The following PTPRD variants were observed in gnomAD, a reference collection of about 807,000 sequenced individuals.
The protein encoded by PTPRD is protein tyrosine phosphatase receptor type D, also known as receptor-type tyrosine-protein phosphatase delta.
A neutral mutation model predicts 214.5 loss-of-function variants in PTPRD; 34 were observed. The ratio of observed to expected loss-of-function variants is 0.16; its 90% CI spans 0.12 to 0.21. The LOEUF (loss-of-function observed/expected upper bound fraction) is 0.21. PTPRD is among the 10% of genes least tolerant of loss of function. PTPRD has a pLI of 1.00. For synonymous variants in PTPRD, 1,128 were observed against 845.7 expected, an observed-to-expected ratio of 1.33 and a Z score of -5.79; for missense variants, 2,545 against 2,398.7, an observed-to-expected ratio of 1.06 and a Z score of -1.27.
intron 12 of PTPRD, among the ~76,000 whole-genome samples, chr9:8,721,429 CAAA>C (rs35721977): frequency 3.1e-5 from 3 of 97,304 alleles, no homozygotes; most frequent in African/African-American, 3.6e-5. Context: ...GACTCCATTT[CAAA>C]AAAAAAAAAA....
intron 30 of PTPRD, among the ~76,000 whole-genome samples, chr9:8,477,195 C>A (rs2096782909): frequency 6.6e-6 from 1 of 151,968 alleles, no homozygotes. Flanking sequence ...TTCTGCTTTG[C>A]CCGTCTGCCT....
chr9:9,202,536 C>A (rs2099942488), intron 9 of PTPRD, among the ~76,000 whole-genome samples: 1 of 152,176 alleles, frequency 6.6e-6, no homozygotes, highest in Non-Finnish European at 1.5e-5. Flanking sequence ...CACATTACAT[C>A]AGATGCAAGC....
intron 3 of PTPRD, among the ~76,000 whole-genome samples, chr9:10,058,654 T>G (rs1325838212): frequency 6.6e-6 from 1 of 152,108 alleles, no homozygotes; most frequent in Non-Finnish European, 1.5e-5. Flanking sequence ...TTCTCTCTTA[T>G]GGGAATTTAA....
At chr9:8,804,768 G>A (rs1276706519) in intron 11 of PTPRD, among the ~76,000 whole-genome samples, 1 of 152,148 alleles carries the variant, frequency 6.6e-6, no homozygotes. Flanking sequence ...GTGTGCTGAA[G>A]AAATAAGAGT....
intron 3 of PTPRD, among the ~76,000 whole-genome samples, chr9:10,089,247 AATG>A (rs965499105): frequency 6.6e-6 from 1 of 151,286 alleles, no homozygotes; most frequent in Non-Finnish European, 1.5e-5. Context: ...ATAGAAATAA[AATG>A]ATGAATTTCA....
chr9:9,838,839 C>A (rs1355616204), intron 5 of PTPRD, among the ~76,000 whole-genome samples: 1 of 152,040 alleles, frequency 6.6e-6, no homozygotes, highest in Non-Finnish European at 1.5e-5. Flanking sequence ...GAAGTCCTTG[C>A]CCATGCCTAT....
At position 8,386,110 on chromosome 9, in the gene PTPRD, C is replaced by A. The variant is rs750139578; in HGVS notation, c.4386+3122G>T. On this transcript the variant is annotated intron_variant, in intron 37 of 45. Transcript: ENST00000381196. Reference sequence around the variant, plus strand: ...ACCTTGCCACATCCTTTATCTCAGTCAATACCCACAATAACCCTTCCGCAT... The same window carrying A: ...ACCTTGCCACATCCTTTATCTCAGTAAATACCCACAATAACCCTTCCGCAT... 3.3e-5 allele frequency among the ~76,000 whole-genome samples: 5 copies of A among 152,258 alleles called. No homozygotes were observed. In the East Asian group the frequency reaches 7.7e-4, roughly 23 times the overall value.
At chr9:8,982,723 C>G (rs1384470672) in intron 11 of PTPRD, among the ~76,000 whole-genome samples, 1 of 151,834 alleles carries the variant, frequency 6.6e-6, no homozygotes, top group Non-Finnish European at 1.5e-5. Flanking sequence ...TTTTCTTTTT[C>G]TAGATTATCA....
At chr9:8,705,951 C>T (rs1038370770) in intron 12 of PTPRD, among the ~76,000 whole-genome samples, 1 of 152,142 alleles carries the variant, frequency 6.6e-6, no homozygotes, top group African/African-American at 2.4e-5. Flanking sequence ...AGCATTTAGT[C>T]AGCACTGTAT....
At chr9:8,788,921 T>G (rs186851815) in intron 11 of PTPRD, among the ~76,000 whole-genome samples, 1,875 of 152,304 alleles carry the variant, frequency 0.012, 41 homozygotes, top group African/African-American at 0.042. Context: ...ACCAATTTAA[T>G]GTTTACTGGA....
chr9:9,639,984 A>T (rs778108092), intron 7 of PTPRD, among the ~76,000 whole-genome samples: 10 of 152,228 alleles, frequency 6.6e-5, no homozygotes, highest in Non-Finnish European at 1.5e-4. Flanking sequence ...GAAACACCTA[A>T]GAAGGTAAAC....
chr9:10,611,164 AACAGTT>A, intron 2 of PTPRD, among the ~76,000 whole-genome samples: 1 of 152,188 alleles, frequency 6.6e-6, no homozygotes. Flanking sequence ...GAAAGAAATT[AACAGTT>A]AAAGATAAAA....
rs569303622 is a variant in PTPRD, at chr9:9,454,492, C to G, written c.-236-57010G>C. Among the ~76,000 whole-genome samples the G allele has an allele frequency of 2.0e-5, 3 of 151,762 alleles. No homozygotes were observed. The South Asian group carries it at 6.2e-4, about 31-fold the overall frequency. ...TTGAAGAACACTTCACAATTAAACT[C>G]TAGTACAATTACACTGAATTCCCCA... On this transcript the variant is annotated intron_variant, in intron 8 of 45. Coordinates refer to ENST00000381196, the MANE Select transcript of PTPRD (RefSeq NM_002839.4).
chr9:9,842,093 T>C (rs1312153697), intron 5 of PTPRD, among the ~76,000 whole-genome samples: 5 of 151,978 alleles, frequency 3.3e-5, no homozygotes, highest in African/African-American at 1.2e-4. Context: ...TGGATGTATA[T>C]ATACATATTT....
At chr9:8,588,787 T>A (rs1447829714) in intron 14 of PTPRD, among the ~76,000 whole-genome samples, 1 of 152,168 alleles carries the variant, frequency 6.6e-6, no homozygotes, top group African/African-American at 2.4e-5. Context: ...AATTTCTTCA[T>A]CAACCAGCAG....
At chr9:8,451,948 A>G in intron 33 of PTPRD, 1 of 475,640 alleles carries the variant, frequency 2.1e-6, no homozygotes, top group Non-Finnish European at 4.2e-6. Flanking sequence ...GGCTGGGGTG[A>G]GTGACACTGA....
At chr9:9,026,823 G>A (rs1034110209) in intron 10 of PTPRD, among the ~76,000 whole-genome samples, 2 of 151,582 alleles carry the variant, frequency 1.3e-5, no homozygotes, top group African/African-American at 4.8e-5. Flanking sequence ...ATTCTCTACC[G>A]ACCCCATTCT....
At chr9:9,221,328 C>T (rs921007852) in intron 9 of PTPRD, among the ~76,000 whole-genome samples, 16 of 152,058 alleles carry the variant, frequency 1.1e-4, no homozygotes, top group African/African-American at 3.9e-4. Context: ...CACTGGCTTC[C>T]TAATTTGGTT....
At chr9:9,842,447 C>A (rs1181419962) in intron 5 of PTPRD, among the ~76,000 whole-genome samples, 1 of 150,434 alleles carries the variant, frequency 6.6e-6, no homozygotes, top group Non-Finnish European at 1.5e-5. Context: ...TAGCTATTAA[C>A]CAAAGCTATT....
Sources: gnomAD v4.1 joint callset for allele counts (sites outside exome capture counted in the v4.1 genomes callset) on GRCh38, gnomAD v4.1.1 for gene constraint, MANE v1.5 for transcripts, NCBI Gene and HGNC (gene_info 2026-07-23, HGNC 2026-07-21) for gene names.